The following SLC35E2B variants were observed in gnomAD, a reference collection of about 807,000 sequenced individuals.
The protein encoded by SLC35E2B is solute carrier family 35, member E2B.
In SLC35E2B, 18 loss-of-function variants were observed where a neutral mutation model predicts 32.4. That is an observed-to-expected ratio of 0.56 (90% CI 0.38 to 0.82). SLC35E2B has a LOEUF of 0.82. Ranked by LOEUF, SLC35E2B falls within the 40% of genes least tolerant of loss-of-function variation. The probability of loss-of-function intolerance (pLI) is 0.00; values close to 1 mark genes in which losing one functional copy is unlikely to be tolerated. For missense variants in SLC35E2B, 263 were observed against 469.5 expected (o/e 0.56, Z 4.06); for synonymous variants, 132 against 209.1 (o/e 0.63, Z 3.18).
At chr1:1,688,390 A>G (rs1643977271) in intron 2 of SLC35E2B, among the ~76,000 whole-genome samples, 1 of 151,958 alleles carries the variant, frequency 6.6e-6, no homozygotes, top group South Asian at 2.1e-4. Context: ...GCGGATCACA[A>G]GGTCAGGACA....
chr1:1,684,695 C>T (rs1450168593), intron 2 of SLC35E2B, among the ~76,000 whole-genome samples: 1 of 143,034 alleles, frequency 7.0e-6, no homozygotes, highest in Non-Finnish European at 1.5e-5. Context: ...CAGGCTGAGG[C>T]AGAAGAATGG....
chr1:1,688,570 A>T (rs71509485), intron 2 of SLC35E2B, among the ~76,000 whole-genome samples: 41,611 of 148,022 alleles, frequency 0.28, 2,613 homozygotes, highest in East Asian at 0.44. Flanking sequence ...ATTGCACTCC[A>T]GCCTGGGCGG....
At chr1:1,679,509 C>G (rs72901707) in intron 2 of SLC35E2B, among the ~76,000 whole-genome samples, 3,265 of 152,220 alleles carry the variant, frequency 0.021, 127 homozygotes, top group African/African-American at 0.075. Flanking sequence ...TTCACTGACG[C>G]TGCCGTTCTC....
chr1:1,674,813 A>C lies in SLC35E2B; in HGVS notation c.586+650T>G, dbSNP rs184548682. 3.7e-3 allele frequency among the ~76,000 whole-genome samples: 568 copies of C among 152,068 alleles called. 3 individuals are homozygous for C. Among genetic ancestry groups the C allele is most frequent in the East Asian group, 0.011 (55 of 5,166 alleles). ...ACTTCCCTCGGCCTTAAGATCTTGTAGTTTCTTAAATAAGCGAACACGTGT... is the reference window on the plus strand; with the variant it reads ...ACTTCCCTCGGCCTTAAGATCTTGTCGTTTCTTAAATAAGCGAACACGTGT... On this transcript the variant is annotated intron_variant, in intron 5 of 9. Transcript: ENST00000617444.
intron 9 of SLC35E2B, 128 bp from the exon 10 acceptor site, chr1:1,666,147 C>A (rs1198849267): frequency 2.6e-6 from 3 of 1,145,366 alleles, no homozygotes; most frequent in Non-Finnish European, 3.6e-6. Context: ...ACGGTGACAT[C>A]AGCCCTGCGG....
At position 1,671,634 on chromosome 1, in the gene SLC35E2B, CGA is replaced by C. The variant is rs773630451; in HGVS notation, c.587-7_587-6del. ...GGGAGAGGTTGACCAGCAGCCCTGG[CGA>C]GAGGACAGCCCCTGTGAGTGGCTGA... On this transcript the variant is annotated splice_polypyrimidine_tract_variant and splice_region_variant and intron_variant, in intron 5 of 9. Coordinates refer to ENST00000617444, the MANE Select transcript of SLC35E2B (RefSeq NM_001290264.2). 2.6e-6 allele frequency: 4 copies of C among 1,539,306 alleles called. No homozygotes were observed. The South Asian group carries it at 3.7e-5, about 14-fold the overall frequency.
rs938793253 is a variant in SLC35E2B, at chr1:1,665,155, A to G, written c.*627T>C. On this transcript the variant is annotated 3_prime_UTR_variant, in exon 10 of 10. Transcript: ENST00000617444. ...AAGCGACTGAACGGCCTCCGTGGTC[A>G]TAGCCCTTGAGTGCCGTGCAATGCT... The G allele has an allele frequency of 1.2e-5, 2 of 165,974 alleles. No homozygotes were observed. Among genetic ancestry groups the G allele is most frequent in the South Asian group, 3.9e-4 (2 of 5,076 alleles). The allele number at this position is 165,974 out of a possible 1,614,324, so 10.3% of individuals were successfully genotyped here. A position where few individuals can be genotyped will look rare whatever the true frequency, so the allele number is the denominator to read the frequency against.
At chr1:1,671,663 C>A in intron 5 of SLC35E2B, 34 bp from the exon 6 acceptor site, 1 of 1,485,500 alleles carries the variant, frequency 6.7e-7, no homozygotes, top group African/African-American at 1.4e-5. Flanking sequence ...AGTGGCTGAC[C>A]CGCCGGGCGG....
In SLC35E2B at chr1:1,664,074, A is replaced by G. The variant is rs1356184428; in HGVS notation, c.*1708T>C. The G allele has an allele frequency of 2.2e-6, 1 of 444,472 alleles. No homozygotes were observed. Among genetic ancestry groups the G allele is most frequent in the Non-Finnish European group, 3.0e-6 (1 of 335,214 alleles). 27.5% of individuals were successfully genotyped at this position (444,472 alleles called of 1,614,324 possible). On this transcript the variant is annotated 3_prime_UTR_variant, in exon 10 of 10. Transcript: ENST00000617444. ...GGCACGTGCCTGTGGTTCCAGCCAC[A>G]TGGGAGGCTGAGGTGGGAGGATCAT...
intron 8 of SLC35E2B, among the ~76,000 whole-genome samples, chr1:1,669,059 C>T (rs1299491289): frequency 2.0e-5 from 3 of 151,864 alleles, no homozygotes; most frequent in Non-Finnish European, 4.4e-5. Flanking sequence ...TGGGTATACA[C>T]GCACAAGAAC....
Position 1,665,963 on chromosome 1 carries a change from C to T in SLC35E2B, c.1037G>A (p.Gly346Asp), listed in dbSNP as rs1385214158. The T allele has an allele frequency of 1.3e-6, 2 of 1,551,414 alleles. No individual in the cohort carries two copies. The highest frequency in any genetic ancestry group is 4.9e-5 in the East Asian group (2 of 40,934). Reference protein sequence around the residue: ...LSIWLSVIVFGNKITSLSAVG... With the variant: ...LSIWLSVIVFDNKITSLSAVG... Reference sequence around the variant, plus strand: ...GGCCGACAAGCTGGTGATCTTGTTGCCGAAAACGATTACGCTGAGCCAGAT... The same window carrying T: ...GGCCGACAAGCTGGTGATCTTGTTGTCGAAAACGATTACGCTGAGCCAGAT... The change falls in exon 10 of 10, where the codon GGC becomes GAC. Residue 346 changes from glycine (G) to aspartate (D), a missense_variant. Gly to Asp is a moderately conservative substitution (Grantham distance 94). Coordinates refer to ENST00000617444, the MANE Select transcript of SLC35E2B (RefSeq NM_001290264.2).
chr1:1,680,693 C>A (rs945424196), intron 2 of SLC35E2B, among the ~76,000 whole-genome samples: 2 of 152,148 alleles, frequency 1.3e-5, no homozygotes, highest in Non-Finnish European at 2.9e-5. Flanking sequence ...ACCGTCCTCA[C>A]CCCCAGCATC....
chr1:1,686,846 G>A (rs1488978206), intron 2 of SLC35E2B, among the ~76,000 whole-genome samples: 1 of 151,982 alleles, frequency 6.6e-6, no homozygotes, highest in Non-Finnish European at 1.5e-5. Flanking sequence ...CATGAGGTCA[G>A]GAGATCGAGA....
In SLC35E2B at chr1:1,678,668, A is replaced by G. The variant is rs543895790; in HGVS notation, c.-147-1822T>C. Among the ~76,000 whole-genome samples, 50 of 152,214 alleles carry G rather than the reference A, an allele frequency of 3.3e-4. No individual in the cohort carries two copies. In the South Asian group the frequency reaches 5.2e-3, roughly 16 times the overall value. On this transcript the variant is annotated intron_variant, in intron 2 of 9. Transcript: ENST00000617444. ...ACAGCCTCGGAATAACAAAGGACTCATCCACTCCTCGGGCCACTGACAGTG... is the reference window on the plus strand; with the variant it reads ...ACAGCCTCGGAATAACAAAGGACTCGTCCACTCCTCGGGCCACTGACAGTG...
intron 5 of SLC35E2B, among the ~76,000 whole-genome samples, chr1:1,674,911 C>T (rs1253271372): frequency 6.6e-6 from 1 of 152,150 alleles, no homozygotes; most frequent in Non-Finnish European, 1.5e-5. Flanking sequence ...CATGCAGCCA[C>T]ACTGGGTACG....
chr1:1,679,029 C>T lies in SLC35E2B; in HGVS notation c.-147-2183G>A, dbSNP rs1001929639. On this transcript the variant is annotated intron_variant, in intron 2 of 9. Coordinates refer to ENST00000617444, the MANE Select transcript of SLC35E2B (RefSeq NM_001290264.2). ...CAGGCGTGGATCTCACTCCCCACCT[C>T]ACTAGGCCTCACGGCCCTTGACCTC... 4.6e-5 allele frequency among the ~76,000 whole-genome samples: 7 copies of T among 152,316 alleles called. No homozygotes were observed. The South Asian group carries it at 1.4e-3, about 32-fold the overall frequency.
Position 1,665,061 on chromosome 1 carries a change from C to A in SLC35E2B, c.*721G>T. ...GTGCCCTGGGGTTGCGGGGAGCTCA[C>A]GCAGCCCAGGGTGTGGAAGGGATAG... On this transcript the variant is annotated 3_prime_UTR_variant, in exon 10 of 10. Coordinates refer to ENST00000617444, the MANE Select transcript of SLC35E2B (RefSeq NM_001290264.2). 1 of 705,818 alleles carries A rather than the reference C, an allele frequency of 1.4e-6. No homozygotes were observed. Among genetic ancestry groups the A allele is most frequent in the Non-Finnish European group, 1.7e-6 (1 of 574,876 alleles). 43.7% of individuals were successfully genotyped at this position (705,818 alleles called of 1,614,324 possible).
intron 2 of SLC35E2B, among the ~76,000 whole-genome samples, chr1:1,677,418 T>C (rs1643863103): frequency 6.6e-6 from 1 of 151,540 alleles, no homozygotes; most frequent in Admixed American, 6.6e-5. Flanking sequence ...ACCTTCTCGA[T>C]GGGCTTTGTG....
At chr1:1,669,873 G>C (rs533782517) in intron 7 of SLC35E2B, 137 bp from the exon 8 acceptor site, 1 of 1,003,666 alleles carries the variant, frequency 1.0e-6, no homozygotes, top group South Asian at 1.4e-5. Context: ...GGGTGCTGCA[G>C]CTTCCCAGAA....
Sources: allele counts gnomAD v4.1 joint callset (sites outside exome capture counted in the v4.1 genomes callset), GRCh38; gene constraint gnomAD v4.1.1; transcripts MANE v1.5; gene names NCBI Gene and HGNC (gene_info 2026-07-23, HGNC 2026-07-21).